POSTN: variants seen among roughly 807,000 people sequenced by gnomAD.
The protein encoded by POSTN is osteoblast specific factor 2 (fasciclin I-like).
In POSTN, 71 loss-of-function variants were observed where a neutral mutation model predicts 104.5. That is an observed-to-expected ratio of 0.68 (90% CI 0.56 to 0.83). The LOEUF is 0.83. POSTN is among the 40% of genes least tolerant of loss of function. The pLI is 0.00. For missense variants in POSTN, 949 were observed against 1,006.8 expected (o/e 0.94, Z 0.78); for synonymous variants, 355 against 340.7 (o/e 1.04, Z -0.46).
intron 21 of POSTN, chr13:37,564,861 AT>A (rs1593302681): frequency 8.8e-6 from 2 of 226,394 alleles, no homozygotes; most frequent in East Asian, 2.0e-4. Flanking sequence ...GACTTACATG[AT>A]TTTTTCAATC....
intron 18 of POSTN, 175 bp downstream of exon 18, chr13:37,571,194 A>T: frequency 2.0e-6 from 1 of 511,292 alleles, no homozygotes; most frequent in East Asian, 3.3e-5. Context: ...TTAAAAGCTA[A>T]CTATGTTTTA....
chr13:37,585,193 A>G (rs1950708859), intron 7 of POSTN, among the ~76,000 whole-genome samples: 1 of 152,208 alleles, frequency 6.6e-6, no homozygotes, highest in Non-Finnish European at 1.5e-5. Context: ...TGGTAGGTTA[A>G]GTTCCAGCTA....
intron 16 of POSTN, among the ~76,000 whole-genome samples, chr13:37,574,895 G>A (rs915945575): frequency 2.0e-5 from 3 of 151,860 alleles, no homozygotes; most frequent in Non-Finnish European, 2.9e-5. Context: ...TACTCACAAA[G>A]TGAGGAATTA....
chr13:37,569,865 A>C, intron 19 of POSTN, 44 bp from the exon 20 acceptor site: 1 of 1,305,026 alleles, frequency 7.7e-7, no homozygotes, highest in Non-Finnish European at 1.1e-6. Context: ...GAAGTAGGCA[A>C]ACTTCTTCTG....
intron 2 of POSTN, among the ~76,000 whole-genome samples, chr13:37,592,543 C>T (rs551031684): frequency 6.6e-6 from 1 of 152,176 alleles, no homozygotes; most frequent in African/African-American, 2.4e-5. Flanking sequence ...CATGATCCGC[C>T]CACCTGGGCC....
intron 11 of POSTN, 90 bp from the exon 12 acceptor site, chr13:37,580,081 TG>T: frequency 8.0e-7 from 1 of 1,257,066 alleles, no homozygotes; most frequent in Middle Eastern, 1.9e-4. Flanking sequence ...ATCCATGTAT[TG>T]TGGAAAGCAT....
chr13:37,587,691 G>A, intron 5 of POSTN, 131 bp downstream of exon 5: 1 of 698,176 alleles, frequency 1.4e-6, no homozygotes, highest in Non-Finnish European at 2.2e-6. Context: ...AGATTTGGGG[G>A]TAAAGTCATA....
At chr13:37,588,453 A>G (rs891951356) in intron 4 of POSTN, among the ~76,000 whole-genome samples, 4 of 152,218 alleles carry the variant, frequency 2.6e-5, no homozygotes, top group Non-Finnish European at 4.4e-5. Flanking sequence ...ACTATGTGTC[A>G]TATTATGCTT....
At chr13:37,564,619 A>G in intron 21 of POSTN, 59 bp from the exon 22 acceptor site, 2 of 977,238 alleles carry the variant, frequency 2.0e-6, no homozygotes, top group Middle Eastern at 2.1e-4. Context: ...ATCAGACAGG[A>G]GACCATGGTT....
rs1172113209 is a variant in POSTN at position 37,584,770 on chromosome 13, C to T, written c.1054G>A (p.Val352Met). ...GIKMVNKKDI[V>M]TNNGVIHLID... The stretch of plus-strand genomic sequence containing the variant: ...AAATGGATCACACCATTATTTGTCA[C>T]AATATCCTTTTTGTTCACCATTTTG... The change falls in exon 8 of 23, where the codon GTG becomes ATG. Residue 352 changes from valine (V) to methionine (M), a missense_variant. Val to Met is a conservative substitution (Grantham distance 21). Transcript: ENST00000379747. The T allele has an allele frequency of 6.2e-7, 1 of 1,613,928 alleles. No individual in the cohort carries two copies.
At chr13:37,582,964 G>T (rs1288958936) in intron 9 of POSTN, among the ~76,000 whole-genome samples, 1 of 152,148 alleles carries the variant, frequency 6.6e-6, no homozygotes, top group East Asian at 1.9e-4. Context: ...AAACACATGG[G>T]CAGGATTATT....
chr13:37,584,478 G>A (rs990154249), intron 8 of POSTN, among the ~76,000 whole-genome samples: 1 of 151,994 alleles, frequency 6.6e-6, no homozygotes, highest in Non-Finnish European at 1.5e-5. Flanking sequence ...CTGTGAAAAC[G>A]GTTATAAATA....
In POSTN at chr13:37,584,757, C is replaced by A; in HGVS notation, c.1067G>T (p.Gly356Val). 2.5e-6 allele frequency: 4 copies of A among 1,613,904 alleles called. No homozygotes were observed. Among genetic ancestry groups the A allele is most frequent in the South Asian group, 2.2e-5 (2 of 91,082 alleles). The change falls in exon 8 of 23, where the codon GGT becomes GTT. Residue 356 changes from glycine (G) to valine (V), a missense_variant. Coordinates refer to ENST00000379747, the MANE Select transcript of POSTN (RefSeq NM_006475.3). The stretch of plus-strand genomic sequence containing the variant: ...GACCTGATCAATCAAATGGATCACA[C>A]CATTATTTGTCACAATATCCTTTTT... ...VNKKDIVTNN[G>V]VIHLIDQVLI...
intron 2 of POSTN, among the ~76,000 whole-genome samples, chr13:37,594,801 A>G (rs180691793): frequency 3.0e-4 from 46 of 152,246 alleles, no homozygotes; most frequent in African/African-American, 9.9e-4. Context: ...TCTGATCATA[A>G]AGTCCTGATG....
chr13:37,592,284 T>C (rs1457194143), intron 2 of POSTN, 120 bp from the exon 3 acceptor site: 3 of 676,744 alleles, frequency 4.4e-6, no homozygotes, highest in East Asian at 6.0e-5. Flanking sequence ...AAATCAGGTT[T>C]TTTTTCCCCC....
intron 5 of POSTN, 145 bp downstream of exon 5, chr13:37,587,677 C>G (rs1950789156): frequency 1.6e-6 from 1 of 617,930 alleles, no homozygotes; most frequent in African/African-American, 1.9e-5. Context: ...AATTTACATG[C>G]CCTAGATTTG....
At chr13:37,577,065 T>G (rs9547964) in intron 16 of POSTN, among the ~76,000 whole-genome samples, 32,702 of 151,600 alleles carry the variant, frequency 0.22, 3,952 homozygotes, top group Non-Finnish European at 0.28. Flanking sequence ...AAAGCTACAG[T>G]GAAATAAAGA....
intron 21 of POSTN, among the ~76,000 whole-genome samples, chr13:37,567,234 T>TAAAAAAAAAAAA (rs1354848373): frequency 7.6e-5 from 1 of 13,236 alleles, no homozygotes; most frequent in African/African-American, 5.6e-4. Flanking sequence ...AGACTCCGTC[T>TAAAAAAAAAAAA]CAAAAAAAAA....
intron 7 of POSTN, among the ~76,000 whole-genome samples, chr13:37,585,908 A>G (rs1412462957): frequency 1.3e-5 from 2 of 152,170 alleles, no homozygotes; most frequent in African/African-American, 4.8e-5. Context: ...TCTACTACTT[A>G]TTTACTTGAA....
Sources: gnomAD v4.1 joint callset for allele counts (sites outside exome capture counted in the v4.1 genomes callset) on GRCh38, gnomAD v4.1.1 for gene constraint, MANE v1.5 for transcripts, NCBI Gene and HGNC (gene_info 2026-07-23, HGNC 2026-07-21) for gene names.